NCKAP5: variants seen among roughly 807,000 people sequenced by gnomAD.
The protein encoded by NCKAP5 is nck-associated protein 5.
NCKAP5 carries 92 observed loss-of-function variants against 167.0 expected under a neutral mutation model. The observed-to-expected ratio is 0.55, with a 90% CI of 0.47 to 0.66. NCKAP5 has a LOEUF of 0.66. Ranked by LOEUF, NCKAP5 falls within the 30% of genes least tolerant of loss-of-function variation. The pLI is 0.00. For synonymous variants in NCKAP5, 891 were observed against 877.4 expected, an observed-to-expected ratio of 1.02 and a Z score of -0.27; for missense variants, 2,378 against 2,315.0, an observed-to-expected ratio of 1.03 and a Z score of -0.56.
intron 16 of NCKAP5, among the ~76,000 whole-genome samples, chr2:132,735,489 A>C (rs1275001864): frequency 6.6e-6 from 1 of 152,164 alleles, no homozygotes; most frequent in Non-Finnish European, 1.5e-5. Context: ...CCAGCAGCTA[A>C]TGCCAGCACC....
At chr2:132,750,105 G>A (rs1408924998) in intron 16 of NCKAP5, among the ~76,000 whole-genome samples, 3 of 152,180 alleles carry the variant, frequency 2.0e-5, no homozygotes, top group Admixed American at 2.0e-4. Context: ...TCTGTTTAGG[G>A]TGCATTATCT....
chr2:133,413,613 AT>A (rs915557901), intron 3 of NCKAP5, among the ~76,000 whole-genome samples: 7 of 150,548 alleles, frequency 4.6e-5, no homozygotes, highest in African/African-American at 1.5e-4. Context: ...AAAAAAAAAA[AT>A]TTAATGAGCT....
intron 3 of NCKAP5, among the ~76,000 whole-genome samples, chr2:133,423,781 CA>C (rs1367960953): frequency 6.6e-6 from 1 of 152,166 alleles, no homozygotes; most frequent in Non-Finnish European, 1.5e-5. Flanking sequence ...ATACAACTAA[CA>C]TTTCCAGAAG....
intron 4 of NCKAP5, among the ~76,000 whole-genome samples, chr2:133,251,843 A>G (rs1030866152): frequency 2.0e-5 from 3 of 152,242 alleles, no homozygotes; most frequent in Admixed American, 6.5e-5. Flanking sequence ...TTTAACAGCA[A>G]TGAAGACCAG....
At position 133,444,409 on chromosome 2, in the gene NCKAP5, T is replaced by G. The variant is rs2012283; in HGVS notation, c.69+73049A>C. Among the ~76,000 whole-genome samples the G allele has an allele frequency of 8.3e-3, 1,147 of 138,684 alleles. 4 individuals carry two copies. Among genetic ancestry groups the G allele is most frequent in the African/African-American group, 0.033 (1,085 of 33,294 alleles). The allele number at this position is 138,684 out of a possible 152,430, so 91.0% of individuals were successfully genotyped here. A position where few individuals can be genotyped will look rare whatever the true frequency, so the allele number is the denominator to read the frequency against. On this transcript the variant is annotated intron_variant, in intron 3 of 19. Coordinates refer to ENST00000409261, the MANE Select transcript of NCKAP5 (RefSeq NM_207363.3). Reference sequence around the variant, plus strand: ...ATAGATAGATAGATAGATAGATAGATATAGATATAGATGTAGATATTTAAA... The same window carrying G: ...ATAGATAGATAGATAGATAGATAGAGATAGATATAGATGTAGATATTTAAA...
In NCKAP5 at chr2:132,920,700, TAC is replaced by T. The variant is rs577715276; in HGVS notation, c.580-41786_580-41785del. ...ATATAAGTTAGTTTATATATATATA[TAC>T]GTATATGTATATATATGTATATATA... On this transcript the variant is annotated intron_variant, in intron 8 of 19. Coordinates refer to ENST00000409261, the MANE Select transcript of NCKAP5 (RefSeq NM_207363.3). Among the ~76,000 whole-genome samples, 74 of 119,510 alleles carry T rather than the reference TAC, an allele frequency of 6.2e-4. 6 individuals are homozygous for T. Among genetic ancestry groups the T allele is most frequent in the African/African-American group, 2.2e-3 (61 of 27,460 alleles). The allele number at this position is 119,510 out of a possible 152,430, so 78.4% of individuals were successfully genotyped here. A position where few individuals can be genotyped will look rare whatever the true frequency, so the allele number is the denominator to read the frequency against.
intron 3 of NCKAP5, among the ~76,000 whole-genome samples, chr2:133,451,752 A>C (rs1691564228): frequency 6.6e-6 from 1 of 152,224 alleles, no homozygotes; most frequent in African/African-American, 2.4e-5. Context: ...AAAGCCTGGC[A>C]TGAAAGTGAA....
At position 133,377,113 on chromosome 2, in the gene NCKAP5, T is replaced by A. The variant is rs547281566; in HGVS notation, c.70-74003A>T. ...GAGTGTCTTGTCTGGTTTTTCTGAG[T>A]CATCACATTTTTTTCCTATACACTG... On this transcript the variant is annotated intron_variant, in intron 3 of 19. Coordinates refer to ENST00000409261, the MANE Select transcript of NCKAP5 (RefSeq NM_207363.3). Among the ~76,000 whole-genome samples, 82 of 152,196 alleles carry A rather than the reference T, an allele frequency of 5.4e-4. 1 individual carries two copies. The South Asian group carries it at 0.016, about 30-fold the overall frequency.
At chr2:132,872,291 G>A (rs748526501) in intron 9 of NCKAP5, among the ~76,000 whole-genome samples, 3 of 152,190 alleles carry the variant, frequency 2.0e-5, no homozygotes, top group South Asian at 2.1e-4. Flanking sequence ...AGTACATCTC[G>A]TGTTTCCTTC....
intron 6 of NCKAP5, among the ~76,000 whole-genome samples, chr2:133,036,697 C>A (rs951630682): frequency 6.6e-6 from 1 of 151,968 alleles, no homozygotes; most frequent in African/African-American, 2.4e-5. Context: ...ATATGACAGA[C>A]CCACAGTTAG....
At chr2:133,610,206 A>G in the NCKAP5 span, among the ~76,000 whole-genome samples, 1 of 152,238 alleles carries the variant, frequency 6.6e-6, no homozygotes, top group Non-Finnish European at 1.5e-5. Flanking sequence ...ATTTCTGTTC[A>G]GAATTATAGC....
At chr2:133,154,004 GCTAA>G (rs1044823178) in intron 5 of NCKAP5, among the ~76,000 whole-genome samples, 60 of 151,848 alleles carry the variant, frequency 4.0e-4, no homozygotes, top group African/African-American at 1.4e-3. Context: ...ACCACACCTG[GCTAA>G]CTTTTGTATT....
chr2:132,742,258 C>A (rs890019405), intron 16 of NCKAP5, among the ~76,000 whole-genome samples: 2 of 152,018 alleles, frequency 1.3e-5, no homozygotes, highest in East Asian at 3.9e-4. Context: ...TGGACAACTG[C>A]CTCTATTCTT....
chr2:132,936,183 T>A (rs1396467064), intron 8 of NCKAP5, among the ~76,000 whole-genome samples: 1 of 152,100 alleles, frequency 6.6e-6, no homozygotes, highest in African/African-American at 2.4e-5. Flanking sequence ...GGTTTCACCA[T>A]GTTGGCCAGG....
chr2:133,150,801 G>A (rs1190041855), intron 5 of NCKAP5, among the ~76,000 whole-genome samples: 1 of 152,028 alleles, frequency 6.6e-6, no homozygotes, highest in African/African-American at 2.4e-5. Context: ...TATACTAGCA[G>A]CATTATTCAT....
chr2:133,465,138 C>G (rs918185056), intron 3 of NCKAP5, among the ~76,000 whole-genome samples: 1 of 147,640 alleles, frequency 6.8e-6, no homozygotes, highest in Non-Finnish European at 1.5e-5. Flanking sequence ...AGGTGTATCT[C>G]CCAGTGCTAT....
chr2:132,735,455 A>G (rs1170747769), intron 16 of NCKAP5, among the ~76,000 whole-genome samples: 1 of 152,062 alleles, frequency 6.6e-6, no homozygotes, highest in Non-Finnish European at 1.5e-5. Context: ...TTCCATCATG[A>G]TTGGAAGCTT....
chr2:133,265,937 C>G (rs538564454), intron 4 of NCKAP5, among the ~76,000 whole-genome samples: 1 of 152,356 alleles, frequency 6.6e-6, no homozygotes, highest in Non-Finnish European at 1.5e-5. Context: ...AGGAGAGGCG[C>G]TGGCCCTCTG....
chr2:132,867,642 C>A (rs1690462974), intron 10 of NCKAP5, among the ~76,000 whole-genome samples: 1 of 152,112 alleles, frequency 6.6e-6, no homozygotes, highest in South Asian at 2.1e-4. Flanking sequence ...GATGTGATGA[C>A]TGGAGCTAGC....
Sources: allele counts gnomAD v4.1 joint callset (sites outside exome capture counted in the v4.1 genomes callset), GRCh38; gene constraint gnomAD v4.1.1; transcripts MANE v1.5; gene names NCBI Gene and HGNC (gene_info 2026-07-23, HGNC 2026-07-21).